Variants in TTLL5 observed in about 807,000 individuals in gnomAD.
TTLL5 encodes the protein tubulin tyrosine ligase like 5.
TTLL5 carries 132 observed loss-of-function variants against 168.4 expected under a neutral mutation model. The ratio of observed to expected loss-of-function variants is 0.78; its 90% confidence interval spans 0.68 to 0.91. TTLL5 has a LOEUF of 0.91. TTLL5 is among the 40% of genes least tolerant of loss of function. The pLI, the probability that TTLL5 is intolerant of heterozygous loss-of-function variation, is 0.00. For missense variants in TTLL5, 1,545 were observed against 1,581.5 expected, an observed-to-expected ratio of 0.98 and a Z score of 0.39; for synonymous variants, 546 against 558.6, an observed-to-expected ratio of 0.98 and a Z score of 0.32.
intron 26 of TTLL5, 63 bp downstream of exon 26, chr14:75,783,593 GAT>G (rs774290690): frequency 8.1e-5 from 126 of 1,559,720 alleles, no homozygotes; most frequent in Non-Finnish European, 1.0e-4. Flanking sequence ...ATAAAGAAAG[GAT>G]GTCATCTCTT....
At chr14:75,946,674 A>G (rs2034783927) in intron 31 of TTLL5, among the ~76,000 whole-genome samples, 1 of 152,170 alleles carries the variant, frequency 6.6e-6, no homozygotes, top group Non-Finnish European at 1.5e-5. Context: ...AAAATCCCCA[A>G]TAGGAGAGAC....
chr14:75,863,645 A>T, intron 28 of TTLL5, 22 bp from the exon 29 acceptor site: 1 of 1,580,312 alleles, frequency 6.3e-7, no homozygotes, highest in South Asian at 1.2e-5. Flanking sequence ...ACTCTAAGAA[A>T]CCTGCTTGCT....
chr14:75,797,285 T>G (rs953783228), intron 27 of TTLL5, among the ~76,000 whole-genome samples: 1 of 152,154 alleles, frequency 6.6e-6, no homozygotes, highest in Non-Finnish European at 1.5e-5. Flanking sequence ...ATCCTGAAAC[T>G]TTACTGAATT....
intron 29 of TTLL5, among the ~76,000 whole-genome samples, chr14:75,875,842 A>G (rs982399317): frequency 1.3e-5 from 2 of 152,374 alleles, no homozygotes; most frequent in African/African-American, 4.8e-5. Flanking sequence ...ATAAGTTTGT[A>G]TATGCATAGA....
intron 3 of TTLL5, among the ~76,000 whole-genome samples, chr14:75,670,546 G>A (rs1424763518): frequency 6.6e-6 from 1 of 152,148 alleles, no homozygotes; most frequent in African/African-American, 2.4e-5. Flanking sequence ...ACAACGTATA[G>A]GGGTTCCAGT....
intron 28 of TTLL5, among the ~76,000 whole-genome samples, chr14:75,827,159 T>C (rs1262467616): frequency 6.6e-6 from 1 of 152,240 alleles, no homozygotes; most frequent in Non-Finnish European, 1.5e-5. Flanking sequence ...AGGCTCTTAG[T>C]AGCTAAGTCT....
At chr14:75,733,731 G>T (rs560461943) in intron 13 of TTLL5, among the ~76,000 whole-genome samples, 1 of 152,096 alleles carries the variant, frequency 6.6e-6, no homozygotes, top group African/African-American at 2.4e-5. Context: ...AGACCTTCTG[G>T]TATAAAGAAA....
chr14:75,813,324 C>A, intron 27 of TTLL5, among the ~76,000 whole-genome samples: 1 of 147,248 alleles, frequency 6.8e-6, no homozygotes, highest in African/African-American at 2.5e-5. Flanking sequence ...GTGTTTGAGA[C>A]AGCGTCTTGC....
At chr14:75,674,455 C>A (rs748257499) in intron 3 of TTLL5, among the ~76,000 whole-genome samples, 1 of 152,294 alleles carries the variant, frequency 6.6e-6, no homozygotes, top group East Asian at 1.9e-4. Flanking sequence ...TTGATCTCAT[C>A]GTGTTAGATG....
intron 3 of TTLL5, among the ~76,000 whole-genome samples, chr14:75,677,136 TTTA>T (rs1349542151): frequency 1.3e-5 from 2 of 152,230 alleles, no homozygotes; most frequent in African/African-American, 2.4e-5. Context: ...ACTAATGACT[TTTA>T]TTATTTTTTT....
At chr14:75,823,684 G>A (rs1894960973) in intron 28 of TTLL5, among the ~76,000 whole-genome samples, 2 of 152,132 alleles carry the variant, frequency 1.3e-5, no homozygotes, top group South Asian at 4.1e-4. Flanking sequence ...ATGAAAGATG[G>A]GAGAATTTGC....
intron 31 of TTLL5, among the ~76,000 whole-genome samples, chr14:75,922,028 G>A (rs909738888): frequency 6.6e-6 from 1 of 152,034 alleles, no homozygotes; most frequent in Non-Finnish European, 1.5e-5. Flanking sequence ...CTCTTTGTTT[G>A]TTTGTTTGTT....
chr14:75,863,611 T>C, intron 28 of TTLL5, 56 bp from the exon 29 acceptor site: 1 of 1,494,376 alleles, frequency 6.7e-7, no homozygotes, highest in Non-Finnish European at 9.0e-7. Context: ...TCTCCTTTCC[T>C]CTAGATTGTT....
intron 30 of TTLL5, among the ~76,000 whole-genome samples, chr14:75,900,927 C>G (rs1156379007): frequency 2.0e-5 from 3 of 152,314 alleles, no homozygotes; most frequent in East Asian, 3.9e-4. Context: ...TATCTCCTCA[C>G]TAGTACAGAA....
intron 28 of TTLL5, among the ~76,000 whole-genome samples, chr14:75,842,574 T>C (rs769542473): frequency 6.6e-6 from 1 of 152,146 alleles, no homozygotes; most frequent in Non-Finnish European, 1.5e-5. Context: ...TCCTCTCCCC[T>C]TCCTAAGTAA....
intron 30 of TTLL5, among the ~76,000 whole-genome samples, chr14:75,890,766 C>T (rs1290789401): frequency 3.3e-5 from 5 of 152,170 alleles, no homozygotes; most frequent in African/African-American, 1.2e-4. Context: ...GTCACCCAGG[C>T]TGGAGTGCAG....
At chr14:75,853,672 A>G (rs1382349720) in intron 28 of TTLL5, among the ~76,000 whole-genome samples, 1 of 152,228 alleles carries the variant, frequency 6.6e-6, no homozygotes, top group East Asian at 1.9e-4. Context: ...TTTTAATGAA[A>G]GATAAGTGAA....
At position 75,859,155 on chromosome 14, in the gene TTLL5, A is replaced by G. The variant is rs547562977; in HGVS notation, c.3327-4512A>G. Among the ~76,000 whole-genome samples the G allele has an allele frequency of 3.0e-4, 46 of 152,346 alleles. No individual in the cohort carries two copies. The East Asian group carries it at 8.7e-3, about 29-fold the overall frequency. On this transcript the variant is annotated intron_variant, in intron 28 of 31. Transcript: ENST00000298832. ...TCTGCATATCTTTATGGAGAGTGCA[A>G]CTTCCATTGAGATTTTGCTTTACAT...
chr14:75,842,298 G>A (rs1453622798), intron 28 of TTLL5, among the ~76,000 whole-genome samples: 1 of 152,030 alleles, frequency 6.6e-6, no homozygotes, highest in Non-Finnish European at 1.5e-5. Context: ...CTGGACTGTC[G>A]CTCTCCCACT....
Sources: allele counts gnomAD v4.1 joint callset (sites outside exome capture counted in the v4.1 genomes callset), GRCh38; gene constraint gnomAD v4.1.1; transcripts MANE v1.5; gene names NCBI Gene and HGNC (gene_info 2026-07-23, HGNC 2026-07-21).